The following GABRA2 variants were observed in gnomAD, a reference collection of about 807,000 sequenced individuals.
GABRA2 encodes gamma-aminobutyric acid receptor subunit alpha-2.
In GABRA2, 16 loss-of-function variants were observed where a neutral mutation model predicts 48.7. The ratio of observed to expected loss-of-function variants is 0.33; its 90% CI spans 0.22 to 0.50. GABRA2 has a LOEUF of 0.50. Ranked by LOEUF, GABRA2 falls within the 20% of genes least tolerant of loss-of-function variation. The pLI is 0.98. For synonymous variants in GABRA2, 185 were observed against 184.5 expected (o/e 1.00, Z -0.02); for missense variants, 275 against 535.6 (o/e 0.51, Z 4.80).
At chr4:46,388,815 C>A in intron 1 of GABRA2, 99 bp from the exon 2 acceptor site, 1 of 1,559,152 alleles carries the variant, frequency 6.4e-7, no homozygotes, top group South Asian at 1.2e-5. Context: ...GTTAGGGATT[C>A]GTGTTAAAGC....
chr4:46,373,946 G>A (rs373808396), intron 3 of GABRA2, among the ~76,000 whole-genome samples: 30 of 151,938 alleles, frequency 2.0e-4, no homozygotes, highest in Admixed American at 3.3e-4. Context: ...TTGCAATTCC[G>A]TTTTCTTTTA....
intron 8 of GABRA2, among the ~76,000 whole-genome samples, chr4:46,293,235 C>A (rs1194437862): frequency 6.6e-6 from 1 of 151,922 alleles, no homozygotes; most frequent in Non-Finnish European, 1.5e-5. Flanking sequence ...CATGGTGCCT[C>A]AATCAGTTTC....
chr4:46,315,559 T>G (rs1175769384), intron 4 of GABRA2, among the ~76,000 whole-genome samples: 15 of 151,950 alleles, frequency 9.9e-5, no homozygotes, highest in African/African-American at 3.4e-4. Flanking sequence ...TCCACCTGCC[T>G]CAGTCCCTTG....
At chr4:46,347,408 G>A (rs1371629431) in intron 3 of GABRA2, among the ~76,000 whole-genome samples, 1 of 151,766 alleles carries the variant, frequency 6.6e-6, no homozygotes, top group Non-Finnish European at 1.5e-5. Context: ...TCAACCAATG[G>A]AATAGGATAG....
intron 8 of GABRA2, among the ~76,000 whole-genome samples, chr4:46,280,815 G>A (rs1309323610): frequency 6.6e-6 from 1 of 152,112 alleles, no homozygotes; most frequent in Non-Finnish European, 1.5e-5. Context: ...GTGGAGCCCT[G>A]ATCAAAATGG....
At chr4:46,259,470 T>C (rs1014296758) in intron 9 of GABRA2, among the ~76,000 whole-genome samples, 5 of 151,816 alleles carry the variant, frequency 3.3e-5, no homozygotes, top group Non-Finnish European at 5.9e-5. Flanking sequence ...TAACTGAGAG[T>C]GTTTATTTAT....
intron 3 of GABRA2, among the ~76,000 whole-genome samples, chr4:46,335,258 G>A (rs1376617214): frequency 6.6e-6 from 1 of 152,088 alleles, no homozygotes. Flanking sequence ...ACTCTGATTC[G>A]TCAAGACATT....
At chr4:46,353,122 A>G (rs895720205) in intron 3 of GABRA2, among the ~76,000 whole-genome samples, 4 of 152,140 alleles carry the variant, frequency 2.6e-5, no homozygotes, top group African/African-American at 9.7e-5. Context: ...ATTACAAAAT[A>G]ACAATAATCA....
intron 8 of GABRA2, among the ~76,000 whole-genome samples, chr4:46,290,541 T>C (rs1723434208): frequency 6.6e-6 from 1 of 152,162 alleles, no homozygotes; most frequent in Admixed American, 6.5e-5. Flanking sequence ...TTATAAATGA[T>C]ATTATTTTCT....
intron 3 of GABRA2, among the ~76,000 whole-genome samples, chr4:46,338,991 T>G (rs1560548050): frequency 6.6e-6 from 1 of 151,936 alleles, no homozygotes; most frequent in Non-Finnish European, 1.5e-5. Flanking sequence ...GTTTATTGTT[T>G]CCTGTTGTTC....
intron 8 of GABRA2, among the ~76,000 whole-genome samples, chr4:46,297,895 G>C (rs2109586741): frequency 6.6e-6 from 1 of 151,902 alleles, no homozygotes; most frequent in Non-Finnish European, 1.5e-5. Context: ...TTTGAGCTTT[G>C]ACTTCACTGC....
chr4:46,372,902 G>A (rs1715120718), intron 3 of GABRA2, among the ~76,000 whole-genome samples: 1 of 152,162 alleles, frequency 6.6e-6, no homozygotes, highest in South Asian at 2.1e-4. Context: ...ATTTGATGAA[G>A]AGACATCTGC....
chr4:46,268,826 G>A (rs1718756070), intron 8 of GABRA2, among the ~76,000 whole-genome samples: 1 of 151,742 alleles, frequency 6.6e-6, no homozygotes, highest in Admixed American at 6.6e-5. Flanking sequence ...AGAAAATGTG[G>A]TATATATGTA....
chr4:46,310,676 A>G (rs777327350), intron 5 of GABRA2, among the ~76,000 whole-genome samples: 2 of 152,190 alleles, frequency 1.3e-5, no homozygotes, highest in African/African-American at 2.4e-5. Context: ...ATTAGTTCAG[A>G]GGAGCTCCCT....
rs537141251 is a variant in GABRA2, at chr4:46,319,187, G to C, written c.256-6471C>G. The stretch of plus-strand genomic sequence containing the variant: ...TTAAGGACACATTAACTTAATGAAG[G>C]CATCATATTCTTTACTGCCTGACTA... On this transcript the variant is annotated intron_variant, in intron 4 of 9. Transcript: ENST00000381620. 2.0e-4 allele frequency among the ~76,000 whole-genome samples: 30 copies of C among 151,746 alleles called. No individual in the cohort carries two copies. In the East Asian group the frequency reaches 4.9e-3, roughly 25 times the overall value.
chr4:46,372,886 G>T (rs1715117575), intron 3 of GABRA2, among the ~76,000 whole-genome samples: 1 of 152,178 alleles, frequency 6.6e-6, no homozygotes, highest in Non-Finnish European at 1.5e-5. Flanking sequence ...TCCCTAAACG[G>T]AAGGGATTTG....
At chr4:46,389,645 T>A in intron 1 of GABRA2, 90 bp downstream of exon 1, 1 of 771,776 alleles carries the variant, frequency 1.3e-6, no homozygotes, top group Non-Finnish European at 1.6e-6. Flanking sequence ...AGGGAGCCTC[T>A]GAAAGTGGGG....
chr4:46,349,580 T>G (rs1362885801), intron 3 of GABRA2, among the ~76,000 whole-genome samples: 1 of 151,952 alleles, frequency 6.6e-6, no homozygotes, highest in Non-Finnish European at 1.5e-5. Context: ...TTGGTTTTCA[T>G]TTTCAACAAT....
At chr4:46,338,588 G>A (rs1005157657) in intron 3 of GABRA2, among the ~76,000 whole-genome samples, 41 of 151,796 alleles carry the variant, frequency 2.7e-4, no homozygotes, top group African/African-American at 9.2e-4. Flanking sequence ...TTCCCAAAGT[G>A]AGGTATCCAC....
Sources: allele counts gnomAD v4.1 joint callset (sites outside exome capture counted in the v4.1 genomes callset), GRCh38; gene constraint gnomAD v4.1.1; transcripts MANE v1.5; gene names NCBI Gene and HGNC (gene_info 2026-07-23, HGNC 2026-07-21).